The following SCAF4 variants were observed in gnomAD, a reference collection of about 807,000 sequenced individuals.
SCAF4 encodes the protein SR-related and CTD-associated factor 4.
SCAF4 carries 25 observed loss-of-function variants against 129.8 expected under a neutral mutation model. The ratio of observed to expected loss-of-function variants is 0.19; its 90% CI spans 0.14 to 0.27. SCAF4 has a LOEUF of 0.27. Ranked by LOEUF, SCAF4 falls within the 10% of genes least tolerant of loss-of-function variation. The pLI, the probability that SCAF4 is intolerant of heterozygous loss-of-function variation, is 1.00. For synonymous variants in SCAF4, 551 were observed against 497.7 expected (o/e 1.11, Z -1.43); for missense variants, 1,246 against 1,457.1 (o/e 0.86, Z 2.36).
intron 1 of SCAF4, among the ~76,000 whole-genome samples, chr21:31,729,221 C>T (rs1041500285): frequency 1.3e-5 from 2 of 152,200 alleles, no homozygotes; most frequent in African/African-American, 4.8e-5. Flanking sequence ...CTTTACCATC[C>T]TTACTTTCCA....
chr21:31,674,308 C>T (rs2049793572), intron 19 of SCAF4, among the ~76,000 whole-genome samples: 1 of 152,158 alleles, frequency 6.6e-6, no homozygotes, highest in African/African-American at 2.4e-5. Context: ...TATATAAAAG[C>T]ACAATTTTTA....
chr21:31,701,800 C>A lies in SCAF4; in HGVS notation c.576G>T (p.Leu192=), dbSNP rs1158201734. ...CCTGTTGGCCTTGAGTTGTCTGAAACAGCTGAGCCACAGCAGCAAAAGCAT... is the reference window on the plus strand; with the variant it reads ...CCTGTTGGCCTTGAGTTGTCTGAAAAAGCTGAGCCACAGCAGCAAAAGCAT... ...SSDAFAAVAQ[L]FQTTQGQQLQ... is the part of the protein sequence containing the mutation. The change falls in exon 6 of 20, where the codon CTG becomes CTT. Residue 192 remains leucine (L), a synonymous_variant. Coordinates refer to ENST00000286835, the MANE Select transcript of SCAF4 (RefSeq NM_020706.2). The A allele has an allele frequency of 6.2e-7, 1 of 1,611,942 alleles. No individual in the cohort carries two copies. Among genetic ancestry groups the A allele is most frequent in the Non-Finnish European group, 8.5e-7 (1 of 1,179,492 alleles).
At position 31,685,715 on chromosome 21, in the gene SCAF4, C is replaced by T. The variant is rs778314236; in HGVS notation, c.2062G>A (p.Gly688Ser). 8.7e-6 allele frequency: 14 copies of T among 1,602,406 alleles called. No individual in the cohort carries two copies. In the Admixed American group the frequency reaches 2.4e-4, roughly 27 times the overall value. Residue 688 changes from glycine to serine, a missense_variant, in exon 17 of 20, where the codon GGT becomes AGT. By Grantham distance (56) the Gly-to-Ser change is moderately conservative (BLOSUM62 0). Coordinates refer to ENST00000286835, the MANE Select transcript of SCAF4 (RefSeq NM_020706.2). The part of the protein sequence containing the change: ...PPPQVPPHQP[G>S]PPVVGALQPP... The stretch of plus-strand genomic sequence containing the variant: ...TGGAGAGCACCAACTACAGGTGGAC[C>T]CGGTTGATGTGGTGGGACCTAGAAA...
chr21:31,717,904 T>TACACACAC lies in SCAF4; in HGVS notation c.31-11555_31-11548dup, dbSNP rs35191665. ...ATATATACACATATATACACATATA[T>TACACACAC]ACACACACACACACACACACACACA... is the stretch of plus-strand genomic sequence containing the variant. On this transcript the variant is annotated intron_variant, in intron 1 of 19. Transcript: ENST00000286835. Among the ~76,000 whole-genome samples the TACACACAC allele has an allele frequency of 6.4e-3, 758 of 117,968 alleles. 4 individuals carry two copies. Among genetic ancestry groups the TACACACAC allele is most frequent in the Admixed American group, 8.8e-3 (95 of 10,854 alleles). The allele number at this position is 117,968 out of a possible 152,430, so 77.4% of individuals were successfully genotyped here.
At chr21:31,699,298 A>C (rs938225756) in intron 7 of SCAF4, among the ~76,000 whole-genome samples, 3 of 152,328 alleles carry the variant, frequency 2.0e-5, no homozygotes, top group South Asian at 2.1e-4. Context: ...TCATAAAAAA[A>C]ACCTTACTAG....
intron 17 of SCAF4, 24 bp from the exon 18 acceptor site, chr21:31,685,508 A>T (rs763028443): frequency 6.2e-7 from 1 of 1,613,274 alleles, no homozygotes; most frequent in Admixed American, 1.7e-5. Context: ...AATAATGTCA[A>T]CTTATGCTGT....
chr21:31,691,102 T>C, intron 14 of SCAF4, 149 bp from the exon 15 acceptor site: 1 of 572,614 alleles, frequency 1.7e-6, no homozygotes, highest in Admixed American at 3.5e-5. Flanking sequence ...CAAAGCCTTA[T>C]TCTCACTACA....
chr21:31,687,179 A>G (rs1310080667), intron 16 of SCAF4, among the ~76,000 whole-genome samples: 1 of 152,238 alleles, frequency 6.6e-6, no homozygotes, highest in Non-Finnish European at 1.5e-5. Context: ...ATTTAATGTG[A>G]GAAACTGAGG....
chr21:31,686,482 T>C (rs1047172947), intron 16 of SCAF4, among the ~76,000 whole-genome samples: 1 of 152,216 alleles, frequency 6.6e-6, no homozygotes, highest in African/African-American at 2.4e-5. Context: ...GAGCAAGCTA[T>C]TTAAATTCTC....
intron 15 of SCAF4, among the ~76,000 whole-genome samples, chr21:31,688,929 A>G (rs2050192704): frequency 6.6e-6 from 1 of 152,250 alleles, no homozygotes; most frequent in African/African-American, 2.4e-5. Context: ...AATATTAAAG[A>G]ATAACTTAAA....
At chr21:31,682,359 C>T (rs1042321711) in intron 19 of SCAF4, among the ~76,000 whole-genome samples, 9 of 147,456 alleles carry the variant, frequency 6.1e-5, no homozygotes, top group African/African-American at 2.0e-4. Flanking sequence ...AACCTGGCGA[C>T]AGAGTGAGAC....
intron 14 of SCAF4, 140 bp downstream of exon 14, chr21:31,691,672 TAAAAA>T: frequency 3.6e-6 from 1 of 280,748 alleles, no homozygotes; most frequent in Non-Finnish European, 6.3e-6. Flanking sequence ...AAATATTCTT[TAAAAA>T]AAAAAAAAAA....
chr21:31,673,182 T>A (rs372245565), intron 19 of SCAF4, among the ~76,000 whole-genome samples: 2 of 152,138 alleles, frequency 1.3e-5, no homozygotes, highest in African/African-American at 4.8e-5. Context: ...CATACTGATA[T>A]AAGAGTCACG....
At chr21:31,730,923 G>C (rs1177960216) in intron 1 of SCAF4, among the ~76,000 whole-genome samples, 1 of 152,196 alleles carries the variant, frequency 6.6e-6, no homozygotes, top group Admixed American at 6.5e-5. Context: ...TAGGGAACTG[G>C]AGGACAACGC....
chr21:31,721,610 G>A (rs1311125937), intron 1 of SCAF4, among the ~76,000 whole-genome samples: 1 of 152,130 alleles, frequency 6.6e-6, no homozygotes, highest in Non-Finnish European at 1.5e-5. Context: ...TACCTAGAGT[G>A]AGGCAAGAGG....
chr21:31,714,962 T>TG (rs2050889118), intron 1 of SCAF4, among the ~76,000 whole-genome samples: 1 of 152,220 alleles, frequency 6.6e-6, no homozygotes, highest in African/African-American at 2.4e-5. Flanking sequence ...CCTTTAAGTA[T>TG]GGTATCCTCA....
At chr21:31,702,526 T>C in intron 4 of SCAF4, 147 bp from the exon 5 acceptor site, 4 of 731,654 alleles carry the variant, frequency 5.5e-6, no homozygotes, top group Non-Finnish European at 6.6e-6. Flanking sequence ...AAAATCAGAA[T>C]TACAACCTGG....
rs144465781 is a variant in SCAF4, at chr21:31,693,158, C to A, written c.1513+136G>T. On this transcript the variant is annotated intron_variant, in intron 12 of 19. Transcript: ENST00000286835. ...TATACATCAATGAATAAACAAGGCA[C>A]AAGAAAGCAATATTTCAAATAAAAA... is the stretch of plus-strand genomic sequence containing the variant. 7.5e-5 allele frequency: 48 copies of A among 638,716 alleles called. No homozygotes were observed. In the Admixed American group the frequency reaches 1.8e-3, roughly 24 times the overall value. The allele number at this position is 638,716 out of a possible 1,614,324, so 39.6% of individuals were successfully genotyped here.
Position 31,671,421 on chromosome 21 carries a change from G to A in SCAF4, c.3422C>T (p.Ser1141Leu), listed in dbSNP as rs1158058887. 3.1e-6 allele frequency: 5 copies of A among 1,613,810 alleles called. No individual in the cohort carries two copies. The South Asian group carries it at 5.5e-5, about 18-fold the overall frequency. ...SSVEPEKDSGSAAEAPR is the reference protein window; with the variant it reads ...SSVEPEKDSGLAAEAPR ...TCTCTAACGAGGAGCCTCTGCTGCT[G>A]AGCCAGAATCCTTTTCGGGTTCAAC... Residue 1141 changes from serine to leucine, a missense_variant, in exon 20 of 20, where the codon TCA becomes TTA. By Grantham distance (145) the Ser-to-Leu change is moderately radical. Transcript: ENST00000286835.
Sources: allele counts gnomAD v4.1 joint callset (sites outside exome capture counted in the v4.1 genomes callset), GRCh38; gene constraint gnomAD v4.1.1; transcripts MANE v1.5; gene names NCBI Gene and HGNC (gene_info 2026-07-23, HGNC 2026-07-21).